ARHGAP32: variants seen among roughly 807,000 people sequenced by gnomAD.
ARHGAP32 encodes Rho GTPase activating protein 32.
In ARHGAP32, 51 loss-of-function variants were observed where a neutral mutation model predicts 186.5. That is an observed-to-expected ratio of 0.27 (90% CI 0.22 to 0.35). The LOEUF (loss-of-function observed/expected upper bound fraction) is 0.35. Ranked by LOEUF, ARHGAP32 falls within the 10% of genes least tolerant of loss-of-function variation. The pLI is 1.00. For missense variants in ARHGAP32, 2,186 were observed against 2,623.5 expected, an observed-to-expected ratio of 0.83 and a Z score of 3.64; for synonymous variants, 950 against 964.3, an observed-to-expected ratio of 0.99 and a Z score of 0.27.
upstream of ARHGAP32, among the ~76,000 whole-genome samples, chr11:129,193,181 A>C (rs1359517026): frequency 6.6e-6 from 1 of 151,540 alleles, no homozygotes; most frequent in Non-Finnish European, 1.5e-5. Flanking sequence ...TCATATTTGA[A>C]AAATAAAGAG....
intron 11 of ARHGAP32, among the ~76,000 whole-genome samples, chr11:129,029,924 A>G (rs757024440): frequency 8.5e-5 from 13 of 152,182 alleles, no homozygotes; most frequent in Middle Eastern, 3.4e-3. Flanking sequence ...ATGGAAATGT[A>G]AGTATTCATA....
chr11:129,249,443 GA>G (rs1305413407), intron 1 of ARHGAP32, among the ~76,000 whole-genome samples: 2 of 152,138 alleles, frequency 1.3e-5, no homozygotes, highest in Admixed American at 6.5e-5. Context: ...TTAATACTGA[GA>G]TTTTTTTATT....
chr11:129,003,107 A>G (rs774319095), intron 11 of ARHGAP32, among the ~76,000 whole-genome samples: 13 of 152,176 alleles, frequency 8.5e-5, no homozygotes, highest in Non-Finnish European at 1.3e-4. Context: ...AGGGATGTTG[A>G]ATTTTTATTA....
intron 1 of ARHGAP32, among the ~76,000 whole-genome samples, chr11:129,168,277 A>T (rs1289717600): frequency 6.6e-6 from 1 of 152,190 alleles, no homozygotes; most frequent in Admixed American, 6.6e-5. Context: ...ATCCTAAGAG[A>T]CATACTTTAA....
chr11:129,259,433 AAG>A (rs1290865493), intron 1 of ARHGAP32, among the ~76,000 whole-genome samples: 1 of 152,176 alleles, frequency 6.6e-6, no homozygotes, highest in Non-Finnish European at 1.5e-5. Context: ...GAAGAAAAAA[AAG>A]AGTACTGCAA....
chr11:129,097,861 A>G (rs1941780052), intron 5 of ARHGAP32, among the ~76,000 whole-genome samples: 1 of 152,178 alleles, frequency 6.6e-6, no homozygotes. Flanking sequence ...ACCCACACTA[A>G]GACACCCGAT....
chr11:129,139,652 C>T (rs1565440939), intron 2 of ARHGAP32, among the ~76,000 whole-genome samples: 3 of 152,032 alleles, frequency 2.0e-5, no homozygotes, highest in South Asian at 2.1e-4. Context: ...AGAGTTCTCC[C>T]GCACAAGCTC....
intron 1 of ARHGAP32, among the ~76,000 whole-genome samples, chr11:129,229,703 A>C (rs961616566): frequency 1.3e-5 from 2 of 152,166 alleles, no homozygotes; most frequent in African/African-American, 4.8e-5. Flanking sequence ...CCTTAAAATG[A>C]ATCAATGTTT....
At chr11:129,209,742 C>T (rs1318293840) in intron 1 of ARHGAP32, among the ~76,000 whole-genome samples, 2 of 151,892 alleles carry the variant, frequency 1.3e-5, no homozygotes, top group Non-Finnish European at 2.9e-5. Flanking sequence ...TTTTTCTTCT[C>T]TAACTCTTAA....
At chr11:129,097,579 A>C (rs1468939683) in intron 5 of ARHGAP32, among the ~76,000 whole-genome samples, 1 of 152,174 alleles carries the variant, frequency 6.6e-6, no homozygotes, top group Non-Finnish European at 1.5e-5. Flanking sequence ...CAGAAGAAAC[A>C]ATTAGTTAAC....
chr11:129,262,387 CT>C (rs796171922), intron 1 of ARHGAP32, among the ~76,000 whole-genome samples: 297 of 144,170 alleles, frequency 2.1e-3, no homozygotes, highest in Middle Eastern at 0.011. Flanking sequence ...GCAAAAGCTA[CT>C]TTTTTTTTTT....
rs559143607 is a variant in ARHGAP32 at position 129,000,765 on chromosome 11, C to T, written c.1046-2297G>A. On this transcript the variant is annotated intron_variant, in intron 11 of 22. Coordinates refer to ENST00000682385, the MANE Select transcript of ARHGAP32 (RefSeq NM_001378024.1). ...TTAACCATCCCTATTCCCCACCCCC[C>T]CACCATTGGCTTATTACCCTTTCTG... 4.7e-4 allele frequency among the ~76,000 whole-genome samples: 71 copies of T among 152,228 alleles called. No individual in the cohort carries two copies. The South Asian group carries it at 0.011, about 23-fold the overall frequency.
chr11:129,156,126 C>T (rs900364926), intron 2 of ARHGAP32, among the ~76,000 whole-genome samples: 1 of 152,234 alleles, frequency 6.6e-6, no homozygotes, highest in Admixed American at 6.5e-5. Context: ...GGTGATTACA[C>T]CACCAGGACC....
At position 129,049,659 on chromosome 11, in the gene ARHGAP32, C is replaced by A. The variant is rs562043209; in HGVS notation, c.964-8650G>T. On this transcript the variant is annotated intron_variant, in intron 10 of 22. Coordinates refer to ENST00000682385, the MANE Select transcript of ARHGAP32 (RefSeq NM_001378024.1). ...TAATATACTCTTTTTTGTCTGCCTTCTTTCATGCAGCATATCTTTGAGGAT... is the reference window on the plus strand; with the variant it reads ...TAATATACTCTTTTTTGTCTGCCTTATTTCATGCAGCATATCTTTGAGGAT... Among the ~76,000 whole-genome samples the A allele has an allele frequency of 2.0e-5, 3 of 152,246 alleles. No individual in the cohort carries two copies. The South Asian group carries it at 6.2e-4, about 32-fold the overall frequency.
At chr11:128,992,749 T>C (rs1274793532) in intron 12 of ARHGAP32, among the ~76,000 whole-genome samples, 1 of 152,072 alleles carries the variant, frequency 6.6e-6, no homozygotes, top group Admixed American at 6.5e-5. Flanking sequence ...ATTGTGCCAT[T>C]ACACTCCAGC....
At chr11:129,133,489 T>C (rs1942865044) in intron 2 of ARHGAP32, among the ~76,000 whole-genome samples, 1 of 152,014 alleles carries the variant, frequency 6.6e-6, no homozygotes, top group Non-Finnish European at 1.5e-5. Flanking sequence ...GAAAACCAAA[T>C]ATAAAGGAAG....
chr11:129,177,590 T>C (rs1943948934), intron 1 of ARHGAP32, among the ~76,000 whole-genome samples: 1 of 152,186 alleles, frequency 6.6e-6, no homozygotes, highest in Non-Finnish European at 1.5e-5. Flanking sequence ...TTATCCACCA[T>C]GATCAAGTGG....
In ARHGAP32 at chr11:129,006,616, G is replaced by GA. The variant is rs1937785759; in HGVS notation, c.1046-8149dup. Reference sequence around the variant, plus strand: ...CTCTGTCTCTGTGATAAGCTACCTGGAGCTGGGGTGAAACAAGCACCCCTG... The same window carrying GA: ...CTCTGTCTCTGTGATAAGCTACCTGGAAGCTGGGGTGAAACAAGCACCCCTG... On this transcript the variant is annotated intron_variant, in intron 11 of 22. Transcript: ENST00000682385. Among the ~76,000 whole-genome samples the GA allele has an allele frequency of 9.2e-5, 14 of 152,264 alleles. 1 individual carries two copies. The highest frequency in any genetic ancestry group is 6.5e-4 in the Admixed American group (10 of 15,292).
chr11:128,986,453 G>A, intron 14 of ARHGAP32, 71 bp downstream of exon 14: 1 of 1,536,234 alleles, frequency 6.5e-7, no homozygotes, highest in Non-Finnish European at 9.0e-7. Flanking sequence ...CCAAACCAAA[G>A]TTCATGTGTT....
Sources: gnomAD v4.1 joint callset for allele counts (sites outside exome capture counted in the v4.1 genomes callset) on GRCh38, gnomAD v4.1.1 for gene constraint, MANE v1.5 for transcripts, NCBI Gene and HGNC (gene_info 2026-07-23, HGNC 2026-07-21) for gene names.